Variants in ANKZF1 observed in about 807,000 individuals in gnomAD.
The protein encoded by ANKZF1 is ankyrin repeat and zinc finger peptidyl tRNA hydrolase 1, also known as tRNA endonuclease ANKZF1.
ANKZF1 carries 84 observed loss-of-function variants against 86.0 expected under a neutral mutation model. The ratio of observed to expected loss-of-function variants is 0.98; its 90% CI spans 0.82 to 1.17. The LOEUF (loss-of-function observed/expected upper bound fraction) is 1.17. Ranked by LOEUF, ANKZF1 falls within the 50% of genes most tolerant of loss-of-function variation. The probability of loss-of-function intolerance (pLI) is 0.00; values close to 1 mark genes in which losing one functional copy is unlikely to be tolerated. For missense variants in ANKZF1, 893 were observed against 918.4 expected (o/e 0.97, Z 0.36); for synonymous variants, 331 against 354.2 (o/e 0.93, Z 0.74).
chr2:219,233,026 C>T, intron 5 of ANKZF1, 53 bp from the exon 6 acceptor site: 1 of 1,534,188 alleles, frequency 6.5e-7, no homozygotes, highest in East Asian at 2.3e-5. Flanking sequence ...CCCTTAGTTT[C>T]TTGCTCTCAG....
At position 219,234,813 on chromosome 2, in the gene ANKZF1, G is replaced by C; in HGVS notation, c.1205-13G>C. 6.3e-7 allele frequency: 1 copy of C among 1,599,096 alleles called. No individual in the cohort carries two copies. The highest frequency in any genetic ancestry group is 8.5e-7 in the Non-Finnish European group (1 of 1,171,630). On this transcript the variant is annotated splice_polypyrimidine_tract_variant and intron_variant, in intron 9 of 13. Coordinates refer to ENST00000323348, the MANE Select transcript of ANKZF1 (RefSeq NM_018089.3). ...CTCCCTAGATGGATTTCACATGTCAGGTTTTTCCCTAGGTTCAGGGTCGGA... is the reference window on the plus strand; with the variant it reads ...CTCCCTAGATGGATTTCACATGTCACGTTTTTCCCTAGGTTCAGGGTCGGA...
chr2:219,236,119 T>C, intron 13 of ANKZF1, 24 bp downstream of exon 13: 1 of 1,613,012 alleles, frequency 6.2e-7, no homozygotes, highest in Non-Finnish European at 8.5e-7. Context: ...GATGAGGGAG[T>C]GGGTGGACTG....
At chr2:219,230,474 A>T in intron 2 of ANKZF1, 69 bp downstream of exon 2, 1 of 1,510,666 alleles carries the variant, frequency 6.6e-7, no homozygotes. Context: ...CAGGGAACAC[A>T]TTCTTATTGG....
At position 219,236,456 on chromosome 2, in the gene ANKZF1, C is replaced by A; in HGVS notation, c.*11C>A. Reference sequence around the variant, plus strand: ...AGGCCCTCTTCCTGATCTCTTACAGCTCTACCTGGGGCCAACTCAGGGACC... The same window carrying A: ...AGGCCCTCTTCCTGATCTCTTACAGATCTACCTGGGGCCAACTCAGGGACC... On this transcript the variant is annotated 3_prime_UTR_variant, in exon 14 of 14. Transcript: ENST00000323348. 1 of 1,573,934 alleles carries A rather than the reference C, an allele frequency of 6.4e-7. No homozygotes were observed. Among genetic ancestry groups the A allele is most frequent in the East Asian group, 2.2e-5 (1 of 44,482 alleles).
chr2:219,232,476 T>C lies in ANKZF1; in HGVS notation c.365-14T>C, dbSNP rs771433543. On this transcript the variant is annotated splice_polypyrimidine_tract_variant and intron_variant, in intron 4 of 13. Transcript: ENST00000323348. Reference sequence around the variant, plus strand: ...GGGTACCAAACTTGTGTATCTCATATTGTCTGTCTTCAGGAGATCTTTCCA... The same window carrying C: ...GGGTACCAAACTTGTGTATCTCATACTGTCTGTCTTCAGGAGATCTTTCCA... The C allele has an allele frequency of 4.3e-6, 7 of 1,613,620 alleles. No individual in the cohort carries two copies. In the South Asian group the frequency reaches 6.6e-5, roughly 15 times the overall value.
Position 219,233,386 on chromosome 2 carries a change from T to C in ANKZF1, c.772T>C (p.Ser258Pro). 3 of 1,614,208 alleles carry C rather than the reference T, an allele frequency of 1.9e-6. No homozygotes were observed. Among genetic ancestry groups the C allele is most frequent in the Non-Finnish European group, 2.5e-6 (3 of 1,180,034 alleles). ...GGATGCCCGAGGTGGGCCATCACAC[T>C]CTGCTGGAGCCAACCTGAGGCGCTA... Reference protein sequence around the residue: ...LRDARGGPSHSAGANLRRYNE... With the variant: ...LRDARGGPSHPAGANLRRYNE... Residue 258 changes from serine (S) to proline (P), a missense_variant, in exon 7 of 14, where the codon TCT becomes CCT. Coordinates refer to ENST00000323348, the MANE Select transcript of ANKZF1 (RefSeq NM_018089.3).
intron 2 of ANKZF1, 84 bp downstream of exon 2, chr2:219,230,489 C>A: frequency 6.8e-7 from 1 of 1,479,362 alleles, no homozygotes. Flanking sequence ...TATTGGTATT[C>A]CCGAGCTTAG....
At chr2:219,232,718 GC>G (rs1405328595) in intron 5 of ANKZF1, 35 bp downstream of exon 5, 1 of 1,594,062 alleles carries the variant, frequency 6.3e-7, no homozygotes, top group African/African-American at 1.3e-5. Flanking sequence ...GCTAACCCCA[GC>G]CTTTTGTACA....
In ANKZF1 at chr2:219,233,747, G is replaced by C. The variant is rs1172842113; in HGVS notation, c.852G>C (p.Trp284Cys). ...GTGACCTGCTGGCAGGGCCAAGCTG[G>C]GCTAAGGCGCTGGAGGAGGCTGGTA... The part of the protein sequence containing the change: ...DVRDLLAGPS[W>C]AKALEEAGTI... Residue 284 changes from tryptophan to cysteine, a missense_variant, in exon 8 of 14, where the codon TGG (tryptophan) becomes TGC (cysteine). By Grantham distance (215) the Trp-to-Cys change is radical. Transcript: ENST00000323348. The C allele has an allele frequency of 6.2e-7, 1 of 1,613,986 alleles. No individual in the cohort carries two copies. The highest frequency in any genetic ancestry group is 1.3e-5 in the African/African-American group (1 of 75,054).
intron 3 of ANKZF1, 41 bp from the exon 4 acceptor site, chr2:219,232,219 G>T (rs764136205): frequency 6.3e-7 from 1 of 1,593,022 alleles, no homozygotes; most frequent in Admixed American, 1.7e-5. Context: ...CCAGGCTGGG[G>T]CATATTTCCA....
Position 219,233,207 on chromosome 2 carries a change from A to C in ANKZF1, c.671+16A>C, listed in dbSNP as rs760248011. On this transcript the variant is annotated intron_variant, in intron 6 of 13. Coordinates refer to ENST00000323348, the MANE Select transcript of ANKZF1 (RefSeq NM_018089.3). ...TATTTCAAGGGTGAGAGGGTGCTGC[A>C]TGGGGGTAAGGATGGAGTGGATCCT... 1 of 1,614,212 alleles carries C rather than the reference A, an allele frequency of 6.2e-7. No individual in the cohort carries two copies. The highest frequency in any genetic ancestry group is 1.7e-5 in the Admixed American group (1 of 60,026).
rs775987387 is a variant in ANKZF1, at chr2:219,233,325, G to A, written c.711G>A (p.Thr237=). The A allele has an allele frequency of 5.5e-5, 88 of 1,614,120 alleles. No individual in the cohort carries two copies. Among genetic ancestry groups the A allele is most frequent in the Non-Finnish European group, 6.9e-5 (82 of 1,180,046 alleles). Residue 237 remains threonine, a synonymous_variant, in exon 7 of 14, where the codon ACG becomes ACA. Coordinates refer to ENST00000323348, the MANE Select transcript of ANKZF1 (RefSeq NM_018089.3). The stretch of plus-strand genomic sequence containing the variant: ...CACACAAAACTTTTCACCGCTATAC[G>A]GTTCGGGCCAAGCGGGGCACAGCCC... ...VVTHKTFHRY[T]VRAKRGTAQG... is the part of the protein sequence containing the mutation.
intron 9 of ANKZF1, chr2:219,234,521 T>C: frequency 3.1e-6 from 2 of 650,804 alleles, no homozygotes; most frequent in Non-Finnish European, 5.3e-6. Context: ...CGTGGATGTG[T>C]TGCATGGATC....
chr2:219,234,939 A>G lies in ANKZF1; in HGVS notation c.1318A>G (p.Lys440Glu), dbSNP rs1559257259. ...SEVLPKRRRRKRNKKEKSRDQ... is the reference protein window; with the variant it reads ...SEVLPKRRRRERNKKEKSRDQ... ...AGTATTGCCCAAGCGGAGGAGGAGAAAAAGGAATAAGAAGGAGAAAAGCCG... is the reference window on the plus strand; with the variant it reads ...AGTATTGCCCAAGCGGAGGAGGAGAGAAAGGAATAAGAAGGAGAAAAGCCG... The change falls in exon 10 of 14, where the codon AAA becomes GAA. Residue 440 changes from lysine (K) to glutamate (E), a missense_variant. Physicochemically the swap from Lys to Glu is moderately conservative, Grantham distance 56. Coordinates refer to ENST00000323348, the MANE Select transcript of ANKZF1 (RefSeq NM_018089.3). 1 of 1,614,194 alleles carries G rather than the reference A, an allele frequency of 6.2e-7. No homozygotes were observed. Among genetic ancestry groups the G allele is most frequent in the Non-Finnish European group, 8.5e-7 (1 of 1,180,032 alleles).
chr2:219,232,655 C>T lies in ANKZF1; in HGVS notation c.530C>T (p.Ala177Val). ...AATGCCCAGGGCCAGTTTCTTTATG[C>T]CTACCGCTGTGTCCTAGGCCCTCAT... ...FQNAQGQFLY[A>V]YRCVLGPHQD... The change falls in exon 5 of 14, where the codon GCC (alanine) becomes GTC (valine). Residue 177 changes from alanine to valine, a missense_variant. Coordinates refer to ENST00000323348, the MANE Select transcript of ANKZF1 (RefSeq NM_018089.3). 2 of 1,614,126 alleles carry T rather than the reference C, an allele frequency of 1.2e-6. No homozygotes were observed. Among genetic ancestry groups the T allele is most frequent in the East Asian group, 2.2e-5 (1 of 44,882 alleles).
Position 219,236,115 on chromosome 2 carries a change from G to A in ANKZF1, c.2057+20G>A, listed in dbSNP as rs767064446. ...TACTCGGTATGGGGTGCGGGATGAG[G>A]GAGTGGGTGGACTGTAATGTTGCAG... is the stretch of plus-strand genomic sequence containing the variant. On this transcript the variant is annotated intron_variant, in intron 13 of 13. Transcript: ENST00000323348. The A allele has an allele frequency of 4.3e-6, 7 of 1,613,938 alleles. No individual in the cohort carries two copies. The highest frequency in any genetic ancestry group is 3.3e-4 in the Middle Eastern group (2 of 6,062).
rs1951182796 is a variant in ANKZF1 at position 219,235,475 on chromosome 2, G to C, written c.1693G>C (p.Asp565His). ...LEAGADPTVQ[D>H]SRARPPYTVA... ...CATTTTTGGAGTTTTTGCACCTAGGGACTCTCGGGCCCGGCCACCTTATAC... is the reference window on the plus strand; with the variant it reads ...CATTTTTGGAGTTTTTGCACCTAGGCACTCTCGGGCCCGGCCACCTTATAC... Residue 565 changes from aspartate (D) to histidine (H), a missense_variant and splice_region_variant, in exon 11 of 14, where the codon GAC becomes CAC. Coordinates refer to ENST00000323348, the MANE Select transcript of ANKZF1 (RefSeq NM_018089.3). The C allele has an allele frequency of 1.2e-6, 2 of 1,613,774 alleles. No homozygotes were observed. The highest frequency in any genetic ancestry group is 3.3e-5 in the Admixed American group (2 of 59,964).
rs1951223946 is a variant in ANKZF1, at chr2:219,236,196, A to T, written c.2057+101A>T. ...TGCACAGTATTCAGAAGGGTGGTTG[A>T]GGGAATTTGGGATGTTCTGGCAGAT... is the stretch of plus-strand genomic sequence containing the variant. On this transcript the variant is annotated intron_variant, in intron 13 of 13. Transcript: ENST00000323348. The T allele has an allele frequency of 1.2e-5, 19 of 1,601,840 alleles. No individual in the cohort carries two copies. The Middle Eastern group carries it at 5.0e-4, about 42-fold the overall frequency.
chr2:219,234,438 C>T, intron 9 of ANKZF1, 150 bp downstream of exon 9: 1 of 998,466 alleles, frequency 1.0e-6, no homozygotes, highest in Non-Finnish European at 1.6e-6. Context: ...GTTTAGTGAC[C>T]TTTCCAAATC....
Sources: allele counts gnomAD v4.1 joint callset, GRCh38; gene constraint gnomAD v4.1.1; transcripts MANE v1.5; gene names NCBI Gene and HGNC (gene_info 2026-07-23, HGNC 2026-07-21).